The following PDE12 variants were observed in gnomAD, a reference collection of about 807,000 sequenced individuals.
The protein encoded by PDE12 is 2',5'-phosphodiesterase 12.
PDE12 carries 26 observed loss-of-function variants against 45.4 expected under a neutral mutation model. The observed-to-expected ratio is 0.57, with a 90% CI of 0.42 to 0.79. PDE12 has a LOEUF of 0.79. PDE12 is among the 30% of genes least tolerant of loss of function. The pLI is 0.00. For synonymous variants in PDE12, 283 were observed against 323.9 expected (o/e 0.87, Z 1.36); for missense variants, 668 against 790.0 (o/e 0.85, Z 1.85).
chr3:57,630,386 T>A, the PDE12 span: 1 of 1,513,740 alleles, frequency 6.6e-7, no homozygotes, highest in Non-Finnish European at 8.9e-7. Flanking sequence ...TTTTCAACAG[T>A]TGTTAATCAT....
chr3:57,623,396 C>T, the PDE12 span, among the ~76,000 whole-genome samples: 27 of 150,912 alleles, frequency 1.8e-4, no homozygotes, highest in African/African-American at 5.1e-4. Context: ...CATTCACTTA[C>T]GGCTGGGCGT....
chr3:57,653,296 GC>G, the PDE12 span, among the ~76,000 whole-genome samples: 1 of 152,118 alleles, frequency 6.6e-6, no homozygotes, highest in Non-Finnish European at 1.5e-5. Context: ...TATATTATTA[GC>G]AAAGGGCACA....
At chr3:57,619,897 A>G in the PDE12 span, among the ~76,000 whole-genome samples, 1 of 151,696 alleles carries the variant, frequency 6.6e-6, no homozygotes, top group Non-Finnish European at 1.5e-5. Flanking sequence ...AAGAACATCT[A>G]TAAAAAACCT....
At chr3:57,633,333 A>G in the PDE12 span, 2 of 1,613,894 alleles carry the variant, frequency 1.2e-6, no homozygotes, top group Non-Finnish European at 1.7e-6. Context: ...TGAGCCTCAG[A>G]AGGACGTTTC....
chr3:57,595,916 A>G, the PDE12 span, among the ~76,000 whole-genome samples: 51 of 151,732 alleles, frequency 3.4e-4, no homozygotes, highest in Non-Finnish European at 6.9e-4. Context: ...GCGCCACTGC[A>G]CTCCAGCCTG....
chr3:57,648,508 A>T, the PDE12 span, among the ~76,000 whole-genome samples: 1 of 152,226 alleles, frequency 6.6e-6, no homozygotes, highest in African/African-American at 2.4e-5. Context: ...CAGAACTAGA[A>T]AAAACAATCC....
downstream of PDE12, among the ~76,000 whole-genome samples, chr3:57,568,645 T>G (rs948215477): frequency 4.0e-5 from 6 of 150,998 alleles, no homozygotes; most frequent in Non-Finnish European, 8.8e-5. Context: ...GGTCTCAAAC[T>G]CCTGGCCTCA....
At chr3:57,583,848 G>C in the PDE12 span, 1 of 1,304,638 alleles carries the variant, frequency 7.7e-7, no homozygotes, top group Non-Finnish European at 1.1e-6. Flanking sequence ...AAAAACTTTA[G>C]AGCATGAAAC....
the PDE12 span, chr3:57,645,579 T>C: frequency 3.9e-6 from 4 of 1,038,692 alleles, no homozygotes; most frequent in Non-Finnish European, 5.7e-6. Context: ...ATTCTGCCTA[T>C]AAGCTTTTAT....
the PDE12 span, among the ~76,000 whole-genome samples, chr3:57,603,465 G>A: frequency 6.6e-6 from 1 of 151,880 alleles, no homozygotes; most frequent in East Asian, 1.9e-4. Context: ...AGCCTCAAGA[G>A]TAGCTGGGAC....
the PDE12 span, among the ~76,000 whole-genome samples, chr3:57,605,436 C>T: frequency 1.3e-5 from 2 of 151,886 alleles, no homozygotes; most frequent in Non-Finnish European, 2.9e-5. Flanking sequence ...TATCAATCAG[C>T]CAGATTGAAA....
chr3:57,557,603 C>T lies in PDE12; in HGVS notation c.1224C>T (p.Asp408=). The change falls in exon 1 of 3, where the codon GAC becomes GAT. Residue 408 remains aspartate, a synonymous_variant. Coordinates refer to ENST00000311180, the MANE Select transcript of PDE12 (RefSeq NM_177966.7). ...DISFYEALES[D]PLHKELLEKL... is the part of the protein sequence containing the mutation. ...CATTCTACGAAGCCCTCGAGTCCGA[C>T]CCACTTCACAAAGAACTGCTGGAGA... 2 of 1,614,124 alleles carry T rather than the reference C, an allele frequency of 1.2e-6. No homozygotes were observed. Among genetic ancestry groups the T allele is most frequent in the Non-Finnish European group, 1.7e-6 (2 of 1,180,032 alleles).
chr3:57,596,123 C>T, the PDE12 span, among the ~76,000 whole-genome samples: 4 of 152,158 alleles, frequency 2.6e-5, no homozygotes, highest in African/African-American at 7.2e-5. Flanking sequence ...TTGCTTACTT[C>T]AGCCAACTGA....
the PDE12 span, among the ~76,000 whole-genome samples, chr3:57,595,305 C>T: frequency 1.3e-5 from 2 of 152,168 alleles, no homozygotes; most frequent in African/African-American, 2.4e-5. Context: ...TGTTCTGGAA[C>T]ATAACCATAT....
At chr3:57,598,180 A>T in the PDE12 span, 1 of 151,144 alleles carries the variant, frequency 6.6e-6, no homozygotes, top group African/African-American at 2.4e-5. Context: ...TGGCGCGGTG[A>T]CTCACCGCGC....
chr3:57,597,589 G>C, the PDE12 span: 5 of 159,220 alleles, frequency 3.1e-5, no homozygotes, highest in African/African-American at 1.2e-4. Context: ...AGCCGGGAGA[G>C]GCCGGCTGAG....
At chr3:57,614,993 A>AG in the PDE12 span, among the ~76,000 whole-genome samples, 1 of 101,510 alleles carries the variant, frequency 9.9e-6, no homozygotes, top group Admixed American at 1.2e-4. Flanking sequence ...ACTGTGTCTC[A>AG]AAAAAAAAAA....
At chr3:57,573,277 C>T in the PDE12 span, among the ~76,000 whole-genome samples, 38,199 of 151,746 alleles carry the variant, frequency 0.25, 6,904 homozygotes, top group African/African-American at 0.5. Flanking sequence ...ACAATTTCAC[C>T]ATCTTTAGTC....
At chr3:57,590,025 A>G in the PDE12 span, among the ~76,000 whole-genome samples, 1 of 149,630 alleles carries the variant, frequency 6.7e-6, no homozygotes, top group Non-Finnish European at 1.5e-5. Context: ...CGGGAGGTGG[A>G]GGCGCAGTGA....
Sources: allele counts gnomAD v4.1 joint callset (sites outside exome capture counted in the v4.1 genomes callset), GRCh38; gene constraint gnomAD v4.1.1; transcripts MANE v1.5; gene names NCBI Gene and HGNC (gene_info 2026-07-23, HGNC 2026-07-21).